Variants in CRPPA observed in about 807,000 individuals in gnomAD.
CRPPA encodes D-ribitol-5-phosphate cytidylyltransferase.
In CRPPA, 43 loss-of-function variants were observed where a neutral mutation model predicts 52.0. That is an observed-to-expected ratio of 0.83 (90% CI 0.65 to 1.07). The LOEUF (loss-of-function observed/expected upper bound fraction) is 1.07. CRPPA is among the 50% of genes least tolerant of loss of function. The pLI is 0.00. For synonymous variants in CRPPA, 250 were observed against 203.5 expected, an observed-to-expected ratio of 1.23 and a Z score of -1.94; for missense variants, 629 against 551.7, an observed-to-expected ratio of 1.14 and a Z score of -1.40.
At chr7:16,143,517 A>G (rs1445243219) in intron 9 of CRPPA, among the ~76,000 whole-genome samples, 1 of 152,184 alleles carries the variant, frequency 6.6e-6, no homozygotes, top group Non-Finnish European at 1.5e-5. Context: ...TGCCTGTACA[A>G]CTGCTACTCA....
chr7:16,397,151 C>G (rs1013314703), intron 2 of CRPPA, among the ~76,000 whole-genome samples: 1 of 152,258 alleles, frequency 6.6e-6, no homozygotes, highest in African/African-American at 2.4e-5. Context: ...GTGTCTGACA[C>G]ATTAGCAAAA....
rs11980781 is a variant in CRPPA at position 16,216,494 on chromosome 7, G to C, written c.1120-297C>G. On this transcript the variant is annotated intron_variant, in intron 8 of 9. Coordinates refer to ENST00000407010, the MANE Select transcript of CRPPA (RefSeq NM_001101426.4). The stretch of plus-strand genomic sequence containing the variant: ...TACAGCTCCCAGCGTGAGCGACGCA[G>C]AAGACGGGTGATTTCTGCATTTCCA... 1,196 of 259,998 alleles carry C rather than the reference G, an allele frequency of 4.6e-3. 17 individuals carry two copies. Among genetic ancestry groups the C allele is most frequent in the African/African-American group, 0.025 (1,088 of 43,388 alleles). The allele number at this position is 259,998 out of a possible 1,614,324, so 16.1% of individuals were successfully genotyped here.
intron 8 of CRPPA, among the ~76,000 whole-genome samples, chr7:16,218,096 G>T (rs564828147): frequency 6.6e-6 from 1 of 152,116 alleles, no homozygotes; most frequent in South Asian, 2.1e-4. Flanking sequence ...AGATCTCTCC[G>T]CAGAAACCCT....
intron 2 of CRPPA, among the ~76,000 whole-genome samples, chr7:16,389,928 A>AAAAAATAT: frequency 1.3e-4 from 4 of 29,770 alleles, no homozygotes; most frequent in African/African-American, 6.9e-4. Flanking sequence ...AAAAAAAAAA[A>AAAAAATAT]ATATATATAT....
intron 5 of CRPPA, among the ~76,000 whole-genome samples, chr7:16,297,215 T>A (rs1398783874): frequency 6.6e-6 from 1 of 152,084 alleles, no homozygotes; most frequent in East Asian, 1.9e-4. Flanking sequence ...AACTGCAAAA[T>A]GAGAGCAATG....
intron 6 of CRPPA, among the ~76,000 whole-genome samples, chr7:16,271,553 A>G (rs1487345536): frequency 6.6e-6 from 1 of 152,084 alleles, no homozygotes; most frequent in Non-Finnish European, 1.5e-5. Flanking sequence ...TGCATCTCCA[A>G]CCACAGATGC....
At chr7:16,387,077 ATATATATATAC>A in intron 2 of CRPPA, among the ~76,000 whole-genome samples, 1 of 49,942 alleles carries the variant, frequency 2.0e-5, no homozygotes, top group Admixed American at 2.0e-4. Flanking sequence ...ATATATATAT[ATATATATATAC>A]ACACATATAT....
intron 3 of CRPPA, among the ~76,000 whole-genome samples, chr7:16,347,076 G>A (rs1195805178): frequency 6.6e-6 from 1 of 151,892 alleles, no homozygotes; most frequent in South Asian, 2.1e-4. Context: ...TCCAATATCA[G>A]GCATAATACT....
rs1784506355 is a variant in CRPPA at position 16,289,029 on chromosome 7, A to G, written c.836-10803T>C. ...GAGAAACAAACAAGGAGACATTATA[A>G]CTGATACTACAGAAATACAGAGGAT... On this transcript the variant is annotated intron_variant, in intron 5 of 9. Transcript: ENST00000407010. 1.3e-5 allele frequency among the ~76,000 whole-genome samples: 2 copies of G among 152,026 alleles called. 1 individual carries two copies. Among genetic ancestry groups the G allele is most frequent in the South Asian group, 4.1e-4 (2 of 4,830 alleles).
At chr7:16,349,406 A>T (rs1022767924) in intron 3 of CRPPA, among the ~76,000 whole-genome samples, 1 of 152,206 alleles carries the variant, frequency 6.6e-6, no homozygotes, top group African/African-American at 2.4e-5. Context: ...AAAATGAAAA[A>T]GCAGAAATAT....
At chr7:16,336,197 G>A (rs1785675024) in intron 3 of CRPPA, among the ~76,000 whole-genome samples, 1 of 151,668 alleles carries the variant, frequency 6.6e-6, no homozygotes. Flanking sequence ...ATAGTACGTA[G>A]TTGCACTTAG....
intron 8 of CRPPA, among the ~76,000 whole-genome samples, chr7:16,251,467 A>C (rs978616095): frequency 2.6e-5 from 4 of 152,196 alleles, no homozygotes; most frequent in Admixed American, 2.0e-4. Flanking sequence ...AATTGACCAC[A>C]TAATTGGAAG....
chr7:16,093,708 GA>G (rs1456543665), intron 9 of CRPPA, among the ~76,000 whole-genome samples: 2 of 152,068 alleles, frequency 1.3e-5, no homozygotes, highest in Non-Finnish European at 2.9e-5. Context: ...AAATATGATT[GA>G]TTTATATGAG....
chr7:16,310,348 T>C (rs1056022542), intron 3 of CRPPA, among the ~76,000 whole-genome samples: 1 of 152,064 alleles, frequency 6.6e-6, no homozygotes, highest in African/African-American at 2.4e-5. Flanking sequence ...AGTTATGCTA[T>C]AGAGAAACAC....
intron 9 of CRPPA, among the ~76,000 whole-genome samples, chr7:16,143,492 T>C (rs970706563): frequency 6.6e-6 from 1 of 152,192 alleles, no homozygotes. Flanking sequence ...TGGAATGAGG[T>C]ACCAACAAGG....
intron 5 of CRPPA, among the ~76,000 whole-genome samples, chr7:16,290,760 A>C (rs1371107466): frequency 6.6e-6 from 1 of 152,086 alleles, no homozygotes; most frequent in Admixed American, 6.5e-5. Context: ...AAGACTCCAA[A>C]AGCACGAACA....
intron 2 of CRPPA, among the ~76,000 whole-genome samples, chr7:16,391,952 G>A (rs1006058610): frequency 1.3e-5 from 2 of 152,020 alleles, no homozygotes; most frequent in Admixed American, 1.3e-4. Context: ...TTCAAGATGA[G>A]GTCAAACCAA....
intron 2 of CRPPA, among the ~76,000 whole-genome samples, chr7:16,387,044 GATATATATATATATATATATAT>G (rs57024916): frequency 5.7e-4 from 55 of 96,020 alleles, no homozygotes; most frequent in Admixed American, 7.9e-4. Flanking sequence ...ATAAAAAAAA[GATATATATATATATATATATAT>G]ATATATATAT....
chr7:16,257,899 C>T (rs74419941), intron 8 of CRPPA, among the ~76,000 whole-genome samples: 1,592 of 152,014 alleles, frequency 0.01, 24 homozygotes, highest in Middle Eastern at 0.044. Context: ...AAAAATCTCC[C>T]AAAATTTTTC....
Sources: gnomAD v4.1 joint callset for allele counts (sites outside exome capture counted in the v4.1 genomes callset) on GRCh38, gnomAD v4.1.1 for gene constraint, MANE v1.5 for transcripts, NCBI Gene and HGNC (gene_info 2026-07-23, HGNC 2026-07-21) for gene names.